CYB5R3: variants seen among roughly 807,000 people sequenced by gnomAD.
The protein encoded by CYB5R3 is cytochrome b5 reductase 3.
Under a neutral mutation model 36.5 loss-of-function variants are expected in CYB5R3, and 28 were observed. That is an observed-to-expected ratio of 0.77 (90% CI 0.57 to 1.05). The LOEUF is 1.05. Among genes scored for constraint, CYB5R3 ranks in the 50% least tolerant of loss-of-function variants. CYB5R3 has a pLI of 0.00. For synonymous variants in CYB5R3, 181 were observed against 159.8 expected, an observed-to-expected ratio of 1.13 and a Z score of -1.00; for missense variants, 474 against 408.9, an observed-to-expected ratio of 1.16 and a Z score of -1.37.
chr22:42,627,824 C>T (rs1394567073), intron 5 of CYB5R3, 136 bp from the exon 6 acceptor site: 2 of 765,140 alleles, frequency 2.6e-6, no homozygotes, highest in South Asian at 2.8e-5. Context: ...TAACGCGAGC[C>T]ATGAGGAAGG....
chr22:42,649,267 G>T, intron 1 of CYB5R3, 28 bp downstream of exon 1: 1 of 778,418 alleles, frequency 1.3e-6, no homozygotes, highest in Non-Finnish European at 1.6e-6. Context: ...GCGACGCCCC[G>T]CGGCCCCGGC....
chr22:42,631,082 T>C, intron 3 of CYB5R3, 94 bp from the exon 4 acceptor site: 2 of 1,175,348 alleles, frequency 1.7e-6, no homozygotes, highest in Non-Finnish European at 2.5e-6. Context: ...CCACCCGGCA[T>C]TCAAAGCCTG....
Position 42,623,886 on chromosome 22 carries a change from G to A in CYB5R3, c.636C>T (p.Thr212=), listed in dbSNP as rs745689124. 30 of 1,613,824 alleles carry A rather than the reference G, an allele frequency of 1.9e-5. No homozygotes were observed. Among genetic ancestry groups the A allele is most frequent in the South Asian group, 1.2e-4 (11 of 91,070 alleles). The part of the protein sequence containing the change: ...TVCHLLFANQ[T]EKDILLRPEL... ...CAGGTCGCAGCAGGATGTCCTTCTC[G>A]GTCTGCAGGGGACAGGGCCAGGCAG... Residue 212 remains threonine, a splice_region_variant and synonymous_variant, in exon 8 of 9, where the codon ACC becomes ACT. Coordinates refer to ENST00000352397, the MANE Select transcript of CYB5R3 (RefSeq NM_000398.7).
intron 1 of CYB5R3, among the ~76,000 whole-genome samples, chr22:42,647,524 G>A (rs1360197003): frequency 6.6e-6 from 1 of 152,182 alleles, no homozygotes; most frequent in African/African-American, 2.4e-5. Context: ...GAGGCAGGTG[G>A]ATCATCTGAG....
intron 2 of CYB5R3, 44 bp from the exon 3 acceptor site, chr22:42,631,494 G>T: frequency 6.5e-7 from 1 of 1,530,992 alleles, no homozygotes; most frequent in Non-Finnish European, 8.9e-7. Flanking sequence ...CAGGGCAGAG[G>T]CCTCCCAGGG....
intron 4 of CYB5R3, among the ~76,000 whole-genome samples, chr22:42,629,540 G>A (rs1928497634): frequency 1.3e-5 from 2 of 152,170 alleles, no homozygotes; most frequent in Admixed American, 6.5e-5. Context: ...AGCCAAAGAC[G>A]GGCTCCTGAG....
chr22:42,646,920 C>A (rs1929565325), intron 1 of CYB5R3: 39 of 985,414 alleles, frequency 4.0e-5, no homozygotes, highest in Non-Finnish European at 4.7e-5. Context: ...GCACTCACAG[C>A]CGGGCTGGGA....
Position 42,623,837 on chromosome 22 carries a change from G to A in CYB5R3, c.685C>T (p.His229Tyr), listed in dbSNP as rs565915928. The A allele has an allele frequency of 1.2e-6, 2 of 1,614,204 alleles. No homozygotes were observed. Among genetic ancestry groups the A allele is most frequent in the Admixed American group, 1.7e-5 (1 of 60,028 alleles). The change falls in exon 8 of 9, where the codon CAT becomes TAT. Residue 229 changes from histidine (H) to tyrosine (Y), a missense_variant. His to Tyr is a moderately conservative substitution (Grantham distance 83, BLOSUM62 2). Transcript: ENST00000352397. ...TACCAGAGCTTGAAGCGTGCAGAAT[G>A]TTTGTTCCTGAGTTCCTCCAGCTCA... Reference protein sequence around the residue: ...RPELEELRNKHSARFKLWYTL... With the variant: ...RPELEELRNKYSARFKLWYTL...
Position 42,627,529 on chromosome 22 carries a change from A to G in CYB5R3, c.547+76T>C, listed in dbSNP as rs137137. 0.085 allele frequency: 127,515 copies of G among 1,499,986 alleles called. 13,992 individuals are homozygous for G. Among genetic ancestry groups the G allele is most frequent in the East Asian group, 0.65 (28,715 of 44,006 alleles). The allele number at this position is 1,499,986 out of a possible 1,614,324, so 92.9% of individuals were successfully genotyped here. A position where few individuals can be genotyped will look rare whatever the true frequency, so the allele number is the denominator to read the frequency against. Reference sequence around the variant, plus strand: ...CCTCTGGTAGCTCCCAGGCACTCAGAACCTGCGCCTCACCCACACCCCAAC... The same window carrying G: ...CCTCTGGTAGCTCCCAGGCACTCAGGACCTGCGCCTCACCCACACCCCAAC... On this transcript the variant is annotated intron_variant, in intron 6 of 8. Transcript: ENST00000352397.
chr22:42,633,336 G>A (rs1224853547), intron 2 of CYB5R3: 2 of 152,304 alleles, frequency 1.3e-5, no homozygotes, highest in African/African-American at 2.4e-5. Flanking sequence ...GTGTATGAAC[G>A]TGATACCCAC....
intron 1 of CYB5R3, chr22:42,640,393 ATTTG>A (rs1411071758): frequency 1.2e-5 from 4 of 340,758 alleles, no homozygotes; most frequent in African/African-American, 5.6e-5. Context: ...TTATTTATTT[ATTTG>A]AGATGGAGTC....
chr22:42,647,026 CAA>C (rs1419976937), intron 1 of CYB5R3: 3 of 974,424 alleles, frequency 3.1e-6, no homozygotes, highest in African/African-American at 3.5e-5. Flanking sequence ...CTGGATCCCA[CAA>C]AGTGTTGGGA....
At chr22:42,644,481 A>C in intron 1 of CYB5R3, 1 of 1,012,464 alleles carries the variant, frequency 9.9e-7, no homozygotes. Flanking sequence ...CTTGCTCTGC[A>C]TGCATCCAAC....
At chr22:42,636,225 A>AAGAC (rs1198771651) in intron 2 of CYB5R3, among the ~76,000 whole-genome samples, 1 of 152,156 alleles carries the variant, frequency 6.6e-6, no homozygotes, top group Non-Finnish European at 1.5e-5. Context: ...TCAAAAAAAA[A>AAGAC]AAAGTATGAA....
In CYB5R3 at chr22:42,634,336, G is replaced by A. The variant is rs1218075307; in HGVS notation, c.153+2379C>T. The stretch of plus-strand genomic sequence containing the variant: ...AGATCACACCATTGCACTATAGCCT[G>A]GGCAACGAGAGCAAAACTCCATCTC... On this transcript the variant is annotated intron_variant, in intron 2 of 8. Coordinates refer to ENST00000352397, the MANE Select transcript of CYB5R3 (RefSeq NM_000398.7). Among the ~76,000 whole-genome samples, 7 of 152,030 alleles carry A rather than the reference G, an allele frequency of 4.6e-5. No individual in the cohort carries two copies. The East Asian group carries it at 1.3e-3, about 29-fold the overall frequency.
intron 1 of CYB5R3, chr22:42,647,050 T>C (rs1021559134): frequency 1.5e-5 from 13 of 849,810 alleles, no homozygotes; most frequent in African/African-American, 5.5e-5. Flanking sequence ...AGGCCTCCCA[T>C]GGGGCCTGCA....
rs780438509 is a variant in CYB5R3 at position 42,623,896 on chromosome 22, G to A, written c.634-8C>T. 8.1e-6 allele frequency: 13 copies of A among 1,612,932 alleles called. No homozygotes were observed. Among genetic ancestry groups the A allele is most frequent in the East Asian group, 2.2e-5 (1 of 44,874 alleles). On this transcript the variant is annotated splice_polypyrimidine_tract_variant and splice_region_variant and intron_variant, in intron 7 of 8. Coordinates refer to ENST00000352397, the MANE Select transcript of CYB5R3 (RefSeq NM_000398.7). Reference sequence around the variant, plus strand: ...CAGGATGTCCTTCTCGGTCTGCAGGGGACAGGGCCAGGCAGTCAGGAAGGA... The same window carrying A: ...CAGGATGTCCTTCTCGGTCTGCAGGAGACAGGGCCAGGCAGTCAGGAAGGA...
At chr22:42,636,181 C>T (rs557121389) in intron 2 of CYB5R3, among the ~76,000 whole-genome samples, 1 of 152,108 alleles carries the variant, frequency 6.6e-6, no homozygotes, top group Non-Finnish European at 1.5e-5. Flanking sequence ...CGCACCACTG[C>T]ACTCCAGCCT....
chr22:42,631,519 C>G, intron 2 of CYB5R3, 69 bp from the exon 3 acceptor site: 2 of 1,350,980 alleles, frequency 1.5e-6, no homozygotes, highest in Non-Finnish European at 2.1e-6. Flanking sequence ...TCCCAGGCCT[C>G]GGAGCCCCCA....
Sources: allele counts gnomAD v4.1 joint callset (sites outside exome capture counted in the v4.1 genomes callset), GRCh38; gene constraint gnomAD v4.1.1; transcripts MANE v1.5; gene names NCBI Gene and HGNC (gene_info 2026-07-23, HGNC 2026-07-21).